MTSS1: variants seen among roughly 807,000 people sequenced by gnomAD.
MTSS1 encodes the protein protein MTSS 1.
A neutral mutation model predicts 79.0 loss-of-function variants in MTSS1; 18 were observed. The observed-to-expected ratio is 0.23, with a 90% CI of 0.16 to 0.34. The LOEUF (loss-of-function observed/expected upper bound fraction) is 0.34, where lower values mean the gene tolerates loss of function less well. MTSS1 is among the 10% of genes least tolerant of loss of function. MTSS1 has a pLI of 1.00. For synonymous variants in MTSS1, 341 were observed against 368.6 expected (o/e 0.93, Z 0.86); for missense variants, 815 against 986.2 (o/e 0.83, Z 2.33).
intron 3 of MTSS1, among the ~76,000 whole-genome samples, chr8:124,629,792 C>A (rs1006055048): frequency 1.3e-5 from 2 of 152,182 alleles, no homozygotes; most frequent in African/African-American, 4.8e-5. Context: ...ACCACAAGGC[C>A]ACCCCCCTCC....
intron 1 of MTSS1, among the ~76,000 whole-genome samples, chr8:124,723,398 C>A (rs1157619878): frequency 2.6e-5 from 4 of 152,168 alleles, no homozygotes; most frequent in African/African-American, 9.7e-5. Context: ...GGAATGACTT[C>A]TCTTGATTTG....
chr8:124,645,316 C>A (rs1226880555), intron 3 of MTSS1, among the ~76,000 whole-genome samples: 2 of 152,118 alleles, frequency 1.3e-5, no homozygotes, highest in African/African-American at 4.8e-5. Flanking sequence ...CTGTTTGAGC[C>A]CAAGAGGTTG....
intron 3 of MTSS1, among the ~76,000 whole-genome samples, chr8:124,678,628 A>G (rs1468122647): frequency 6.6e-6 from 1 of 151,992 alleles, no homozygotes; most frequent in East Asian, 1.9e-4. Flanking sequence ...AGGAAAACCC[A>G]CCCTTGTGAT....
rs959247370 is a variant in MTSS1 at position 124,597,480 on chromosome 8, C to T, written c.209-6245G>A. Among the ~76,000 whole-genome samples the T allele has an allele frequency of 1.3e-5, 2 of 152,198 alleles. No homozygotes were observed. The highest frequency in any genetic ancestry group is 2.9e-5 in the Non-Finnish European group (2 of 68,036). ...ATAAGAAAAGCAAAGTTTCCTTGCC[C>T]CCTAAAGTCCGAAGTCAGATTGCCC... On this transcript the variant is annotated intron_variant, in intron 3 of 13. Transcript: ENST00000518547. The surrounding 1 kb of genome is among the most constrained non-coding windows in gnomAD (Gnocchi z 4.6).
chr8:124,560,330 GGGCAA>G (rs1275769322), intron 10 of MTSS1, among the ~76,000 whole-genome samples: 2 of 152,080 alleles, frequency 1.3e-5, no homozygotes, highest in African/African-American at 4.8e-5. Context: ...AGAACAGCCT[GGGCAA>G]GATAGCAAGA....
intron 3 of MTSS1, among the ~76,000 whole-genome samples, chr8:124,609,183 T>C (rs1170175720): frequency 6.6e-6 from 1 of 152,166 alleles, no homozygotes; most frequent in Non-Finnish European, 1.5e-5. Flanking sequence ...TATGACTGTT[T>C]GCCAGTTGCA....
chr8:124,647,052 G>A (rs889646978), intron 3 of MTSS1, among the ~76,000 whole-genome samples: 4 of 152,156 alleles, frequency 2.6e-5, no homozygotes, highest in African/African-American at 9.7e-5. Context: ...GTCTCACTAT[G>A]TTGACCAGGC....
chr8:124,600,044 AAAAAAAAAAAC>A (rs201789745), intron 3 of MTSS1, among the ~76,000 whole-genome samples: 18,674 of 112,476 alleles, frequency 0.17, 1,154 homozygotes, highest in African/African-American at 0.24. Context: ...GTACTACAAA[AAAAAAAAAAAC>A]AAAAAAAAAA....
At chr8:124,686,744 T>C (rs979975054) in intron 3 of MTSS1, among the ~76,000 whole-genome samples, 1 of 152,100 alleles carries the variant, frequency 6.6e-6, no homozygotes, top group Non-Finnish European at 1.5e-5. Context: ...TCACAACTAA[T>C]ATTTATCCAG....
intron 11 of MTSS1, 41 bp downstream of exon 11, chr8:124,557,638 CAG>C (rs1488692572): frequency 7.3e-6 from 11 of 1,509,288 alleles, no homozygotes; most frequent in Non-Finnish European, 9.9e-6. Flanking sequence ...GGGGTGAGCA[CAG>C]AGGCAATGAC....
intron 3 of MTSS1, among the ~76,000 whole-genome samples, chr8:124,681,514 G>A (rs1277258662): frequency 3.3e-5 from 5 of 152,326 alleles, no homozygotes; most frequent in South Asian, 2.1e-4. Context: ...CTGGCTGGGC[G>A]CAGTGGCTCA....
chr8:124,654,947 A>G (rs1225278534), intron 3 of MTSS1, among the ~76,000 whole-genome samples: 2 of 152,236 alleles, frequency 1.3e-5, no homozygotes, highest in Non-Finnish European at 2.9e-5. Context: ...TAGTTTTCCA[A>G]TGCCGAAACT....
chr8:124,592,712 G>A (rs1346951663), intron 3 of MTSS1, among the ~76,000 whole-genome samples: 1 of 151,942 alleles, frequency 6.6e-6, no homozygotes, highest in Non-Finnish European at 1.5e-5. Flanking sequence ...CCTTCTGAGG[G>A]CAAGGCCTCT....
chr8:124,727,867 C>T lies in MTSS1; in HGVS notation c.72+17G>A, dbSNP rs772431186. On this transcript the variant is annotated intron_variant, in intron 1 of 13. Transcript: ENST00000518547. The surrounding 1 kb of genome is among the most constrained non-coding windows in gnomAD (Gnocchi z 4.7). ...AGCGCGGCGGCCGGCGCCGCAGCCG[C>T]ACCCCCGGCGTCCTACCTTCATGTC... 9.5e-6 allele frequency: 15 copies of T among 1,575,716 alleles called. No homozygotes were observed. Among genetic ancestry groups the T allele is most frequent in the Non-Finnish European group, 1.3e-5 (15 of 1,165,604 alleles).
chr8:124,572,516 C>T (rs1460587693), intron 6 of MTSS1, among the ~76,000 whole-genome samples: 3 of 152,128 alleles, frequency 2.0e-5, no homozygotes, highest in Non-Finnish European at 4.4e-5. Flanking sequence ...TCACTCCCAT[C>T]GGCAGTGTTA....
intron 1 of MTSS1, among the ~76,000 whole-genome samples, chr8:124,716,750 G>A (rs1383447054): frequency 2.0e-5 from 3 of 152,052 alleles, no homozygotes; most frequent in Non-Finnish European, 4.4e-5. Context: ...TGCGCCCTTG[G>A]AAGCAGGGGT....
chr8:124,674,840 G>C (rs564053215), intron 3 of MTSS1, among the ~76,000 whole-genome samples: 1 of 152,032 alleles, frequency 6.6e-6, no homozygotes, highest in Admixed American at 6.5e-5. Flanking sequence ...TCCTGCCTCA[G>C]CCTCCCAGTT....
At chr8:124,586,587 T>C (rs1006394229) in intron 5 of MTSS1, among the ~76,000 whole-genome samples, 10 of 152,212 alleles carry the variant, frequency 6.6e-5, no homozygotes, top group Admixed American at 2.6e-4. Context: ...CTGAGCATCT[T>C]GGGCTAGCAG....
chr8:124,712,702 C>G (rs940924108), intron 1 of MTSS1, among the ~76,000 whole-genome samples: 5 of 152,158 alleles, frequency 3.3e-5, no homozygotes, highest in Non-Finnish European at 5.9e-5. Context: ...AAGCGGATGA[C>G]AGCCTTGGGG....
Sources: allele counts gnomAD v4.1 joint callset (sites outside exome capture counted in the v4.1 genomes callset), GRCh38; gene constraint gnomAD v4.1.1; non-coding constraint Gnocchi (gnomAD v3.1); transcripts MANE v1.5; gene names NCBI Gene and HGNC (gene_info 2026-07-23, HGNC 2026-07-21).